NCK1: variants seen among roughly 807,000 people sequenced by gnomAD.
The protein encoded by NCK1 is NCK adaptor protein 1.
In NCK1, 19 loss-of-function variants were observed where a neutral mutation model predicts 36.6. The observed-to-expected ratio is 0.52, with a 90% CI of 0.36 to 0.76. The LOEUF is 0.76. Among genes scored for constraint, NCK1 ranks in the 30% least tolerant of loss-of-function variants. NCK1 has a pLI of 0.00. For synonymous variants in NCK1, 165 were observed against 156.0 expected, an observed-to-expected ratio of 1.06 and a Z score of -0.43; for missense variants, 358 against 445.6, an observed-to-expected ratio of 0.80 and a Z score of 1.77.
At chr3:136,865,116 CCTGA>C (rs1388956794) in intron 1 of NCK1, among the ~76,000 whole-genome samples, 1 of 152,066 alleles carries the variant, frequency 6.6e-6, no homozygotes, top group Non-Finnish European at 1.5e-5. Context: ...TGCCACCACG[CCTGA>C]CTAATTTTTG....
chr3:136,902,415 G>T (rs1260700996), intron 1 of NCK1, among the ~76,000 whole-genome samples: 1 of 152,056 alleles, frequency 6.6e-6, no homozygotes, highest in Non-Finnish European at 1.5e-5. Context: ...GGCTGGTCTC[G>T]AGCTCCTGAG....
At chr3:136,894,738 T>C (rs1371882247) in intron 1 of NCK1, among the ~76,000 whole-genome samples, 1 of 152,230 alleles carries the variant, frequency 6.6e-6, no homozygotes, top group African/African-American at 2.4e-5. Context: ...TCCAATTCCA[T>C]CCTGCCACCT....
At chr3:136,910,702 C>T (rs1259052068) in intron 1 of NCK1, among the ~76,000 whole-genome samples, 1 of 152,154 alleles carries the variant, frequency 6.6e-6, no homozygotes, top group Non-Finnish European at 1.5e-5. Flanking sequence ...ATGGGATGTT[C>T]TGACACATGT....
chr3:136,939,701 C>A (rs1051894846), intron 2 of NCK1, among the ~76,000 whole-genome samples: 1 of 151,812 alleles, frequency 6.6e-6, no homozygotes, highest in Admixed American at 6.6e-5. Context: ...TTCTTGGTGA[C>A]CTATTGGTTT....
At chr3:136,889,050 T>TTTTGA (rs1939155476) in intron 1 of NCK1, 1 of 17,642 alleles carries the variant, frequency 5.7e-5, no homozygotes, top group Admixed American at 7.9e-4. Flanking sequence ...TTTGATTTTT[T>TTTTGA]TTTTTTTTTT....
intron 1 of NCK1, among the ~76,000 whole-genome samples, chr3:136,896,132 T>C (rs1401344267): frequency 3.3e-5 from 5 of 152,238 alleles, no homozygotes; most frequent in Non-Finnish European, 5.9e-5. Context: ...ATCATTTCTA[T>C]GTGTTGGGAA....
intron 1 of NCK1, among the ~76,000 whole-genome samples, chr3:136,868,546 T>C (rs1429213538): frequency 3.9e-5 from 6 of 152,140 alleles, no homozygotes; most frequent in African/African-American, 1.4e-4. Flanking sequence ...CAGGCTGATC[T>C]CCAACTCCTA....
At chr3:136,894,945 G>A (rs9864941) in intron 1 of NCK1, among the ~76,000 whole-genome samples, 103,733 of 151,798 alleles carry the variant, frequency 0.68, 35,697 homozygotes, top group East Asian at 0.87. Context: ...CTACTATCTC[G>A]GCTCACTGCA....
chr3:136,946,412 C>T (rs542612286), intron 3 of NCK1, 117 bp downstream of exon 3: 15 of 816,974 alleles, frequency 1.8e-5, no homozygotes, highest in East Asian at 1.0e-4. Flanking sequence ...CAAGCTGGGA[C>T]GTAACATAAG....
Position 136,946,311 on chromosome 3 carries a change from G to T in NCK1, c.939+16G>T, listed in dbSNP as rs925198712. The T allele has an allele frequency of 1.3e-6, 2 of 1,583,926 alleles. No homozygotes were observed. Among genetic ancestry groups the T allele is most frequent in the Non-Finnish European group, 1.7e-6 (2 of 1,157,864 alleles). On this transcript the variant is annotated intron_variant, in intron 3 of 3. Coordinates refer to ENST00000481752, the MANE Select transcript of NCK1 (RefSeq NM_001291999.2). The stretch of plus-strand genomic sequence containing the variant: ...TGAATCTTCGGTAAGTTGATTTTCG[G>T]AGGTAAATACAAATAGAGCTCTGGG...
At chr3:136,893,187 T>TACACACACAC (rs1226338778) in intron 1 of NCK1, among the ~76,000 whole-genome samples, 18 of 133,806 alleles carry the variant, frequency 1.3e-4, no homozygotes, top group South Asian at 2.6e-4. Flanking sequence ...TGTATATATA[T>TACACACACAC]ATATACACAC....
rs58385753 is a variant in NCK1 at position 136,889,044 on chromosome 3, A to ATTTTTTTTT, written c.-19+26713_-19+26721dup. ...GCCACCATGCCAGGCTAATTTTTTG[A>ATTTTTTTTT]TTTTTTTTTTTTTTTTTTTTTTTTT... On this transcript the variant is annotated intron_variant, in intron 1 of 3. Transcript: ENST00000481752. 3.0e-3 allele frequency: 274 copies of ATTTTTTTTT among 91,212 alleles called. 4 individuals carry two copies. Among genetic ancestry groups the ATTTTTTTTT allele is most frequent in the African/African-American group, 4.3e-3 (103 of 23,694 alleles). The allele number at this position is 91,212 out of a possible 1,614,324, so 5.7% of individuals were successfully genotyped here.
chr3:136,899,521 C>T (rs1576962669), intron 1 of NCK1: 10 of 454,176 alleles, frequency 2.2e-5, no homozygotes, highest in South Asian at 1.1e-4. Context: ...TCAGAATCTT[C>T]ACCAGTTGCC....
At position 136,862,634 on chromosome 3, in the gene NCK1, G is replaced by A. The variant is rs539705137; in HGVS notation, c.-19+281G>A. 3.3e-5 allele frequency among the ~76,000 whole-genome samples: 3 copies of A among 90,196 alleles called. No individual in the cohort carries two copies. In the South Asian group the frequency reaches 1.3e-3, roughly 38 times the overall value. The allele number at this position is 90,196 out of a possible 152,430, so 59.2% of individuals were successfully genotyped here. A position where few individuals can be genotyped will look rare whatever the true frequency, so the allele number is the denominator to read the frequency against. On this transcript the variant is annotated intron_variant, in intron 1 of 3. Transcript: ENST00000481752. The stretch of plus-strand genomic sequence containing the variant: ...CCTGGAGCGCTGTGTCGGGCTGAGA[G>A]CCCGGGCGGCCGCCCGTGCGAGCCT...
chr3:136,863,519 C>T (rs1007040399), intron 1 of NCK1, among the ~76,000 whole-genome samples: 1 of 152,178 alleles, frequency 6.6e-6, no homozygotes, highest in Non-Finnish European at 1.5e-5. Context: ...CTTAAATAGG[C>T]ATCCCATTCA....
At chr3:136,923,559 C>CAAATAAATATAT (rs1940168022) in intron 1 of NCK1, among the ~76,000 whole-genome samples, 1 of 145,596 alleles carries the variant, frequency 6.9e-6, no homozygotes, top group Non-Finnish European at 1.5e-5. Flanking sequence ...GACTCCGTCT[C>CAAATAAATATAT]AAATAAATAA....
At chr3:136,931,744 G>T (rs1940396243) in intron 2 of NCK1, among the ~76,000 whole-genome samples, 1 of 152,132 alleles carries the variant, frequency 6.6e-6, no homozygotes, top group Non-Finnish European at 1.5e-5. Context: ...TATGATGATT[G>T]TTATTAATAA....
At chr3:136,870,033 T>TTTG (rs1395272440) in intron 1 of NCK1, among the ~76,000 whole-genome samples, 2 of 131,324 alleles carry the variant, frequency 1.5e-5, no homozygotes, top group Non-Finnish European at 3.5e-5. Flanking sequence ...CAAAAGTTTT[T>TTTG]TTTTTTTTTT....
intron 2 of NCK1, among the ~76,000 whole-genome samples, chr3:136,929,533 A>G (rs1215245348): frequency 1.3e-5 from 2 of 152,236 alleles, no homozygotes; most frequent in Non-Finnish European, 2.9e-5. Flanking sequence ...CAAATCAGAA[A>G]GAGATTTTCC....
Sources: allele counts gnomAD v4.1 joint callset (sites outside exome capture counted in the v4.1 genomes callset), GRCh38; gene constraint gnomAD v4.1.1; transcripts MANE v1.5; gene names NCBI Gene and HGNC (gene_info 2026-07-23, HGNC 2026-07-21).